SPTLC1: variants seen among roughly 807,000 people sequenced by gnomAD.
SPTLC1 encodes serine palmitoyltransferase long chain base subunit 1.
In SPTLC1, 55 loss-of-function variants were observed where a neutral mutation model predicts 68.9. The ratio of observed to expected loss-of-function variants is 0.80; its 90% CI spans 0.64 to 1.00. The LOEUF (loss-of-function observed/expected upper bound fraction) is 1.00. SPTLC1 is among the 50% of genes least tolerant of loss of function. SPTLC1 has a pLI of 0.00. For missense variants in SPTLC1, 449 were observed against 573.1 expected (o/e 0.78, Z 2.21); for synonymous variants, 197 against 201.6 (o/e 0.98, Z 0.19).
chr9:92,046,188 A>G, intron 11 of SPTLC1, 135 bp from the exon 12 acceptor site: 1 of 800,992 alleles, frequency 1.2e-6, no homozygotes, highest in South Asian at 1.5e-5. Flanking sequence ...CAGAGCCAAG[A>G]ACCCATACTC....
intron 12 of SPTLC1, among the ~76,000 whole-genome samples, chr9:92,039,702 A>G (rs1201062993): frequency 6.6e-6 from 1 of 152,244 alleles, no homozygotes; most frequent in Non-Finnish European, 1.5e-5. Flanking sequence ...AGTACTAGGT[A>G]GCACAATGGC....
chr9:92,114,406 T>C (rs972594632), intron 1 of SPTLC1, among the ~76,000 whole-genome samples: 4 of 152,130 alleles, frequency 2.6e-5, no homozygotes, highest in African/African-American at 9.7e-5. Flanking sequence ...GTATCTGAAA[T>C]AACTAGGCTT....
chr9:92,076,110 C>T (rs1482934090), intron 5 of SPTLC1, among the ~76,000 whole-genome samples: 1 of 152,198 alleles, frequency 6.6e-6, no homozygotes, highest in Middle Eastern at 3.2e-3. Context: ...CATGCCCTAA[C>T]TCTTGGCAAA....
chr9:92,085,163 T>C (rs2118709791), intron 3 of SPTLC1, among the ~76,000 whole-genome samples: 1 of 151,582 alleles, frequency 6.6e-6, no homozygotes, highest in South Asian at 2.1e-4. Flanking sequence ...TAGCGGTCTA[T>C]CAATTTTGTT....
intron 12 of SPTLC1, among the ~76,000 whole-genome samples, chr9:92,045,478 TA>T (rs1303988085): frequency 1.2e-3 from 76 of 64,918 alleles, no homozygotes; most frequent in African/African-American, 4.5e-3. Context: ...ATATGTACCC[TA>T]AAACTTAAAG....
chr9:92,089,593 G>C (rs1193129926), intron 3 of SPTLC1, among the ~76,000 whole-genome samples: 1 of 152,066 alleles, frequency 6.6e-6, no homozygotes, highest in Admixed American at 6.5e-5. Flanking sequence ...ATATGAAAGA[G>C]TACATACTGA....
Position 92,101,264 on chromosome 9 carries a change from A to G in SPTLC1, c.260+7476T>C, listed in dbSNP as rs1296436480. On this transcript the variant is annotated intron_variant, in intron 3 of 14. Coordinates refer to ENST00000262554, the MANE Select transcript of SPTLC1 (RefSeq NM_006415.4). ...GAAATTCAACAAAGACATAGATACC[A>G]TTAAAGAAAACAAACAGGCCAGGCG... is the stretch of plus-strand genomic sequence containing the variant. 3.3e-5 allele frequency among the ~76,000 whole-genome samples: 5 copies of G among 152,074 alleles called. 1 individual carries two copies. The South Asian group carries it at 6.2e-4, about 19-fold the overall frequency.
intron 12 of SPTLC1, 36 bp from the exon 13 acceptor site, chr9:92,038,401 C>G (rs763386306): frequency 5.9e-6 from 8 of 1,364,014 alleles, no homozygotes; most frequent in African/African-American, 1.4e-5. Context: ...CTGTAAGTCC[C>G]TTCCAGGCTT....
intron 12 of SPTLC1, among the ~76,000 whole-genome samples, chr9:92,038,727 C>T (rs1833239707): frequency 6.6e-6 from 1 of 152,238 alleles, no homozygotes; most frequent in South Asian, 2.1e-4. Context: ...CCTGTGTTGG[C>T]TGCATGTGCC....
intron 6 of SPTLC1, among the ~76,000 whole-genome samples, chr9:92,061,126 G>C (rs772795830): frequency 6.6e-6 from 1 of 152,170 alleles, no homozygotes; most frequent in Non-Finnish European, 1.5e-5. Flanking sequence ...AATTTGTCAA[G>C]TGGTTTAAAT....
intron 12 of SPTLC1, among the ~76,000 whole-genome samples, chr9:92,039,046 CTCAGG>C (rs1833251588): frequency 6.6e-6 from 1 of 152,198 alleles, no homozygotes; most frequent in South Asian, 2.1e-4. Context: ...AGTTGGGAAG[CTCAGG>C]TGGGAGGATC....
chr9:92,061,681 G>A (rs1834107198), intron 6 of SPTLC1, among the ~76,000 whole-genome samples: 1 of 152,124 alleles, frequency 6.6e-6, no homozygotes. Flanking sequence ...GGTTCTCACT[G>A]TATGTACAGG....
intron 3 of SPTLC1, among the ~76,000 whole-genome samples, chr9:92,100,142 T>C (rs952670154): frequency 1.4e-5 from 2 of 147,932 alleles, no homozygotes; most frequent in Non-Finnish European, 3.0e-5. Context: ...AGGTCAGGTA[T>C]GGGGGCTCAC....
At chr9:92,042,677 A>G (rs1269281196) in intron 12 of SPTLC1, among the ~76,000 whole-genome samples, 1 of 152,234 alleles carries the variant, frequency 6.6e-6, no homozygotes, top group African/African-American at 2.4e-5. Context: ...AATTTAATGC[A>G]GTTCCAATTA....
chr9:92,058,164 T>C (rs1892268), intron 7 of SPTLC1, among the ~76,000 whole-genome samples: 81,305 of 152,160 alleles, frequency 0.53, 24,896 homozygotes, highest in African/African-American at 0.85. Context: ...AAATGTGAAA[T>C]GTTAGCCTAG....
chr9:92,038,482 C>T (rs1004754330), intron 12 of SPTLC1, 117 bp from the exon 13 acceptor site: 13 of 777,712 alleles, frequency 1.7e-5, no homozygotes, highest in African/African-American at 1.0e-4. Context: ...CAGAAGCTTG[C>T]GACTGATGGG....
At chr9:92,068,220 A>G (rs550087642) in intron 5 of SPTLC1, 122 bp from the exon 6 acceptor site, 5 of 915,936 alleles carry the variant, frequency 5.5e-6, no homozygotes, top group African/African-American at 3.4e-5. Flanking sequence ...GCCAAAATGG[A>G]ATTGTTTTTA....
At chr9:92,103,743 C>A (rs1175289234) in intron 3 of SPTLC1, among the ~76,000 whole-genome samples, 1 of 152,250 alleles carries the variant, frequency 6.6e-6, no homozygotes, top group African/African-American at 2.4e-5. Flanking sequence ...TGGAAAGGCC[C>A]CGGGGGAGCC....
At chr9:92,104,543 T>A in intron 3 of SPTLC1, 13 of 1,440,166 alleles carry the variant, frequency 9.0e-6, no homozygotes, top group Non-Finnish European at 1.0e-5. Flanking sequence ...CTCCAGGATG[T>A]TTGGACACCT....
Sources: allele counts gnomAD v4.1 joint callset (sites outside exome capture counted in the v4.1 genomes callset), GRCh38; gene constraint gnomAD v4.1.1; transcripts MANE v1.5; gene names NCBI Gene and HGNC (gene_info 2026-07-23, HGNC 2026-07-21).